GRIK1: variants seen among roughly 807,000 people sequenced by gnomAD.
GRIK1 encodes glutamate receptor ionotropic, kainate 1.
In GRIK1, 69 loss-of-function variants were observed where a neutral mutation model predicts 105.7. The observed-to-expected ratio is 0.65, with a 90% CI of 0.54 to 0.80. The LOEUF is 0.80. GRIK1 is among the 30% of genes least tolerant of loss of function. The pLI, the probability that GRIK1 is intolerant of heterozygous loss-of-function variation, is 0.00. For missense variants in GRIK1, 1,109 were observed against 1,167.3 expected, an observed-to-expected ratio of 0.95 and a Z score of 0.73; for synonymous variants, 438 against 431.3, an observed-to-expected ratio of 1.02 and a Z score of -0.19.
At chr21:29,710,354 T>C (rs776462237) in intron 1 of GRIK1, among the ~76,000 whole-genome samples, 9 of 152,020 alleles carry the variant, frequency 5.9e-5, no homozygotes, top group Non-Finnish European at 1.2e-4. Context: ...ATTGGCCTTG[T>C]CAATTTTGTC....
intron 7 of GRIK1, among the ~76,000 whole-genome samples, chr21:29,624,547 G>T (rs537318736): frequency 2.0e-5 from 3 of 152,226 alleles, no homozygotes; most frequent in African/African-American, 7.2e-5. Flanking sequence ...TAACCAAAAG[G>T]TCAGCTCAAG....
intron 3 of GRIK1, among the ~76,000 whole-genome samples, 197 bp downstream of exon 3, chr21:29,689,531 G>A (rs1027626916): frequency 6.6e-6 from 1 of 152,110 alleles, no homozygotes; most frequent in African/African-American, 2.4e-5. Context: ...TAAAAGGATC[G>A]TTAGAAAGGA....
chr21:29,616,453 A>C (rs1443140056), intron 7 of GRIK1, among the ~76,000 whole-genome samples: 1 of 152,204 alleles, frequency 6.6e-6, no homozygotes, highest in Non-Finnish European at 1.5e-5. Context: ...TGCCCATCTG[A>C]GCACAAAGAC....
chr21:29,629,979 G>A (rs1195014373), intron 7 of GRIK1, among the ~76,000 whole-genome samples: 2 of 152,190 alleles, frequency 1.3e-5, no homozygotes, highest in Admixed American at 1.3e-4. Flanking sequence ...GAACTGCAAG[G>A]ATGGATGATT....
chr21:29,772,618 T>C (rs771311745), intron 1 of GRIK1, among the ~76,000 whole-genome samples: 27 of 152,314 alleles, frequency 1.8e-4, no homozygotes, highest in African/African-American at 3.1e-4. Flanking sequence ...CAAAAACTAA[T>C]TGCAGTTCTA....
At chr21:29,890,239 ACTT>A (rs796464564) in intron 1 of GRIK1, among the ~76,000 whole-genome samples, 4 of 152,284 alleles carry the variant, frequency 2.6e-5, no homozygotes, top group African/African-American at 9.6e-5. Context: ...TAACTGATAA[ACTT>A]CTTTTTACAA....
chr21:29,834,901 G>T (rs978752982), intron 1 of GRIK1, among the ~76,000 whole-genome samples: 2 of 149,328 alleles, frequency 1.3e-5, no homozygotes, highest in East Asian at 3.9e-4. Flanking sequence ...TATTAGTACT[G>T]GAGGGTTTTT....
At chr21:29,595,136 G>A (rs2061386623) in intron 9 of GRIK1, among the ~76,000 whole-genome samples, 1 of 152,094 alleles carries the variant, frequency 6.6e-6, no homozygotes, top group South Asian at 2.1e-4. Context: ...GGGCTACCAG[G>A]AGGGAAGAGG....
intron 7 of GRIK1, among the ~76,000 whole-genome samples, chr21:29,633,124 A>G (rs912876899): frequency 2.6e-5 from 4 of 152,310 alleles, no homozygotes; most frequent in Non-Finnish European, 4.4e-5. Context: ...CTTTTCCACC[A>G]TGTGGAAACA....
At chr21:29,627,725 A>G (rs1156889167) in intron 7 of GRIK1, among the ~76,000 whole-genome samples, 1 of 152,214 alleles carries the variant, frequency 6.6e-6, no homozygotes, top group Non-Finnish European at 1.5e-5. Context: ...TGGCCTGTGA[A>G]TGTGCAGGAG....
At chr21:29,681,798 C>T (rs1457848299) in intron 3 of GRIK1, among the ~76,000 whole-genome samples, 2 of 152,074 alleles carry the variant, frequency 1.3e-5, no homozygotes, top group Non-Finnish European at 2.9e-5. Flanking sequence ...TAGAACAATG[C>T]CTGGTACCAA....
rs183841113 is a variant in GRIK1 at position 29,867,376 on chromosome 21, C to G, written c.118+72007G>C. ...TAAAGAAAGGAGAAGATGAAGAGGA[C>G]CAGGCAGAAAAGGGATAGGAGGGCT... On this transcript the variant is annotated intron_variant, in intron 1 of 17. Coordinates refer to ENST00000327783, the MANE Select transcript of GRIK1 (RefSeq NM_001330994.2). Among the ~76,000 whole-genome samples, 125 of 152,040 alleles carry G rather than the reference C, an allele frequency of 8.2e-4. 1 individual carries two copies. Among genetic ancestry groups the G allele is most frequent in the African/African-American group, 3.0e-3 (123 of 41,458 alleles).
At chr21:29,610,357 G>A (rs2061705033) in intron 7 of GRIK1, among the ~76,000 whole-genome samples, 1 of 152,150 alleles carries the variant, frequency 6.6e-6, no homozygotes, top group African/African-American at 2.4e-5. Flanking sequence ...AAAGTGGGGA[G>A]ATCATCCCGG....
chr21:29,905,636 T>A (rs1275340774), intron 1 of GRIK1, among the ~76,000 whole-genome samples: 1 of 137,880 alleles, frequency 7.3e-6, no homozygotes, highest in African/African-American at 2.7e-5. Flanking sequence ...TTTTTTTTTT[T>A]TTTTTTTTGA....
chr21:29,891,804 C>A, intron 1 of GRIK1, among the ~76,000 whole-genome samples: 1 of 151,998 alleles, frequency 6.6e-6, no homozygotes, highest in Admixed American at 6.6e-5. Context: ...AATTTATATA[C>A]TAAGTATTAA....
Position 29,668,486 on chromosome 21 carries a change from T to C in GRIK1, c.726+4497A>G, listed in dbSNP as rs549315450. On this transcript the variant is annotated intron_variant, in intron 4 of 17. Coordinates refer to ENST00000327783, the MANE Select transcript of GRIK1 (RefSeq NM_001330994.2). ...GTCACGTGGCCAGAAAGGATGCCTC[T>C]GAAATGGAGCATCGGATACTGGAGG... is the stretch of plus-strand genomic sequence containing the variant. Among the ~76,000 whole-genome samples the C allele has an allele frequency of 3.3e-5, 5 of 152,306 alleles. No individual in the cohort carries two copies. In the South Asian group the frequency reaches 1.0e-3, roughly 32 times the overall value.
intron 12 of GRIK1, chr21:29,582,404 C>A (rs16984407): frequency 0.012 from 5,266 of 433,964 alleles, 240 homozygotes; most frequent in African/African-American, 0.099. Flanking sequence ...CAAGGTGGTG[C>A]GCTATGGGCA....
At chr21:29,595,340 G>GTTTTTTTTTTTTTTTT (rs71191119) in intron 9 of GRIK1, among the ~76,000 whole-genome samples, 1 of 136,976 alleles carries the variant, frequency 7.3e-6, no homozygotes, top group Non-Finnish European at 1.6e-5. Context: ...AGTGTAATAG[G>GTTTTTTTTTTTTTTTT]TTTTTTTTTT....
chr21:29,913,893 A>G (rs1308888176), intron 1 of GRIK1, among the ~76,000 whole-genome samples: 1 of 151,978 alleles, frequency 6.6e-6, no homozygotes, highest in African/African-American at 2.4e-5. Context: ...ATGAAAATAC[A>G]TATTCAGTAC....
Sources: gnomAD v4.1 joint callset for allele counts (sites outside exome capture counted in the v4.1 genomes callset) on GRCh38, gnomAD v4.1.1 for gene constraint, MANE v1.5 for transcripts, NCBI Gene and HGNC (gene_info 2026-07-23, HGNC 2026-07-21) for gene names.